Variants in GFM1 observed in about 807,000 individuals in gnomAD.
GFM1 encodes the protein G elongation factor mitochondrial 1.
Under a neutral mutation model 96.2 loss-of-function variants are expected in GFM1, and 62 were observed. That is an observed-to-expected ratio of 0.64 (90% confidence interval 0.53 to 0.80). The LOEUF is 0.80. Ranked by LOEUF, GFM1 falls within the 30% of genes least tolerant of loss-of-function variation. The pLI is 0.00. For synonymous variants in GFM1, 282 were observed against 312.9 expected, an observed-to-expected ratio of 0.90 and a Z score of 1.04; for missense variants, 852 against 916.6, an observed-to-expected ratio of 0.93 and a Z score of 0.91.
intron 15 of GFM1, among the ~76,000 whole-genome samples, chr3:158,686,297 TATAA>T (rs1725835491): frequency 6.8e-6 from 1 of 147,894 alleles, no homozygotes; most frequent in South Asian, 2.1e-4. Context: ...AAAGTATATA[TATAA>T]ATATATAATA....
chr3:158,668,389 C>T (rs1232176482), intron 13 of GFM1, among the ~76,000 whole-genome samples: 1 of 151,730 alleles, frequency 6.6e-6, no homozygotes, highest in Non-Finnish European at 1.5e-5. Flanking sequence ...TTTTTTTCCC[C>T]CAAATATTTT....
intron 8 of GFM1, among the ~76,000 whole-genome samples, chr3:158,658,184 A>T (rs1265793898): frequency 5.5e-5 from 4 of 72,316 alleles, no homozygotes; most frequent in Non-Finnish European, 1.0e-4. Context: ...TTTTTTTGAG[A>T]CAGAGTCTCA....
In GFM1 at chr3:158,689,721, G is replaced by C. The variant is rs1006164645; in HGVS notation, c.1910-442G>C. Among the ~76,000 whole-genome samples the C allele has an allele frequency of 1.6e-4, 24 of 148,748 alleles. No homozygotes were observed. The Admixed American group carries it at 1.6e-3, about 10-fold the overall frequency. On this transcript the variant is annotated intron_variant, in intron 15 of 17. Transcript: ENST00000486715. ...GACAGAGTTGCATTGAGCCGAGATT[G>C]CCCCATTGTAATCTAGCTTGGGTGA...
intron 2 of GFM1, 64 bp downstream of exon 2, chr3:158,645,845 T>C (rs1228941857): frequency 7.2e-6 from 10 of 1,380,694 alleles, no homozygotes; most frequent in South Asian, 1.2e-5. Context: ...GTTGCTATTA[T>C]TTAATAAAGC....
chr3:158,689,071 T>A (rs1264028286), intron 15 of GFM1, among the ~76,000 whole-genome samples: 3 of 152,220 alleles, frequency 2.0e-5, no homozygotes, highest in Non-Finnish European at 4.4e-5. Flanking sequence ...TATTTGGAGA[T>A]AATGTAACAA....
chr3:158,659,159 A>C, intron 9 of GFM1, 100 bp downstream of exon 9: 3 of 1,314,590 alleles, frequency 2.3e-6, no homozygotes, highest in Non-Finnish European at 3.3e-6. Context: ...ATTCTGGTTA[A>C]ATATATGTTT....
Position 158,692,537 on chromosome 3 carries a change from T to G in GFM1, c.*1070T>G, listed in dbSNP as rs1447142976. Reference sequence around the variant, plus strand: ...TATAGATGGATCCTAGTCCTTTTCATTACCTGATGGTAGAAATAAAATAAT... The same window carrying G: ...TATAGATGGATCCTAGTCCTTTTCAGTACCTGATGGTAGAAATAAAATAAT... On this transcript the variant is annotated 3_prime_UTR_variant, in exon 18 of 18. Coordinates refer to ENST00000486715, the MANE Select transcript of GFM1 (RefSeq NM_024996.7). The G allele has an allele frequency of 1.3e-5, 2 of 152,220 alleles. No homozygotes were observed. The highest frequency in any genetic ancestry group is 4.8e-5 in the African/African-American group (2 of 41,466). The allele number at this position is 152,220 out of a possible 1,614,324, so 9.4% of individuals were successfully genotyped here.
rs753445993 is a variant in GFM1, at chr3:158,662,706, C to T, written c.1380+22C>T. ...CAAGGTAGGAGTTTGATTTAAAGCT[C>T]AGTATATCACAATTAAAACTTGAGC... On this transcript the variant is annotated intron_variant, in intron 11 of 17. Transcript: ENST00000486715. 2.8e-6 allele frequency: 4 copies of T among 1,418,278 alleles called. No individual in the cohort carries two copies. The East Asian group carries it at 9.1e-5, about 32-fold the overall frequency. The allele number at this position is 1,418,278 out of a possible 1,614,324, so 87.9% of individuals were successfully genotyped here.
chr3:158,644,564 C>G lies in GFM1; in HGVS notation c.-71C>G. ...TTGGCTGCCGGCGTGACTTTGACCG[C>G]TTCCCGGTGCGTTACCGGCAGCTGA... On this transcript the variant is annotated 5_prime_UTR_variant, in exon 1 of 18. Coordinates refer to ENST00000486715, the MANE Select transcript of GFM1 (RefSeq NM_024996.7). 1 of 1,304,394 alleles carries G rather than the reference C, an allele frequency of 7.7e-7. No homozygotes were observed. The highest frequency in any genetic ancestry group is 1.1e-6 in the Non-Finnish European group (1 of 925,834). The allele number at this position is 1,304,394 out of a possible 1,614,324, so 80.8% of individuals were successfully genotyped here. A position where few individuals can be genotyped will look rare whatever the true frequency, so the allele number is the denominator to read the frequency against.
Position 158,685,596 on chromosome 3 carries a change from G to A in GFM1, c.1909+928G>A, listed in dbSNP as rs183543450. Reference sequence around the variant, plus strand: ...TGGTCACACTTCGCATCTGTGATCAGGTATGGGGCAGTGGTTGGGGAGGGT... The same window carrying A: ...TGGTCACACTTCGCATCTGTGATCAAGTATGGGGCAGTGGTTGGGGAGGGT... On this transcript the variant is annotated intron_variant, in intron 15 of 17. Transcript: ENST00000486715. Among the ~76,000 whole-genome samples the A allele has an allele frequency of 4.8e-4, 73 of 152,274 alleles. No individual in the cohort carries two copies. In the South Asian group the frequency reaches 0.012, roughly 25 times the overall value.
In GFM1 at chr3:158,683,856, T is replaced by G. The variant is rs929649160; in HGVS notation, c.1765-668T>G. Among the ~76,000 whole-genome samples the G allele has an allele frequency of 1.3e-5, 2 of 152,206 alleles. 1 individual carries two copies. Among genetic ancestry groups the G allele is most frequent in the African/African-American group, 4.8e-5 (2 of 41,456 alleles). ...AACCAGCTTACGCCCTTAACTAATA[T>G]GCTTTTCCAAGGAATTGTTCATCTA... On this transcript the variant is annotated intron_variant, in intron 14 of 17. Transcript: ENST00000486715.
chr3:158,653,511 C>G, intron 7 of GFM1, 44 bp downstream of exon 7: 1 of 1,379,844 alleles, frequency 7.2e-7, no homozygotes, highest in South Asian at 1.2e-5. Flanking sequence ...GAAATACTTT[C>G]GTATTTATGC....
intron 8 of GFM1, chr3:158,656,105 A>G (rs575959461): frequency 2.9e-5 from 9 of 313,612 alleles, no homozygotes; most frequent in Non-Finnish European, 5.0e-5. Context: ...ATCATATCCA[A>G]GGTACAGACT....
intron 9 of GFM1, chr3:158,660,663 G>T (rs1443766884): frequency 3.5e-6 from 2 of 572,570 alleles, no homozygotes; most frequent in Non-Finnish European, 3.1e-6. Context: ...CTTGTCTATT[G>T]ATATATGGTT....
intron 14 of GFM1, among the ~76,000 whole-genome samples, chr3:158,684,138 G>T (rs978683077): frequency 6.6e-6 from 1 of 152,108 alleles, no homozygotes; most frequent in Non-Finnish European, 1.5e-5. Flanking sequence ...GCTTATAAAT[G>T]AGAGCTAAAT....
At chr3:158,645,464 G>A (rs372561816) in intron 1 of GFM1, among the ~76,000 whole-genome samples, 165 bp from the exon 2 acceptor site, 2 of 152,092 alleles carry the variant, frequency 1.3e-5, no homozygotes, top group South Asian at 4.1e-4. Flanking sequence ...TCTGTCCTCT[G>A]ATTACAAGAG....
chr3:158,647,293 T>A (rs1167158851), intron 4 of GFM1, among the ~76,000 whole-genome samples: 1 of 152,220 alleles, frequency 6.6e-6, no homozygotes, highest in Non-Finnish European at 1.5e-5. Context: ...AAAGATCATC[T>A]TTGGTTTTAA....
At chr3:158,665,651 C>T (rs1337842891) in intron 12 of GFM1, among the ~76,000 whole-genome samples, 177 bp downstream of exon 12, 2 of 152,118 alleles carry the variant, frequency 1.3e-5, no homozygotes, top group East Asian at 1.9e-4. Flanking sequence ...TAATTATTTT[C>T]GATCTCTAAA....
rs1036859549 is a variant in GFM1 at position 158,694,684 on chromosome 3, C to T, written c.*3217C>T. 6.6e-6 allele frequency among the ~76,000 whole-genome samples: 1 copy of T among 152,070 alleles called. No homozygotes were observed. The highest frequency in any genetic ancestry group is 2.4e-5 in the African/African-American group (1 of 41,388). ...AGTAGCTGGGACAAGAGGCACACAC[C>T]ACCATGCCTGGCTTGATAACTTTAC... On this transcript the variant is annotated 3_prime_UTR_variant, in exon 18 of 18. Transcript: ENST00000486715.
Sources: allele counts gnomAD v4.1 joint callset (sites outside exome capture counted in the v4.1 genomes callset), GRCh38; gene constraint gnomAD v4.1.1; transcripts MANE v1.5; gene names NCBI Gene and HGNC (gene_info 2026-07-23, HGNC 2026-07-21).